Variants in DCLK2 observed in about 807,000 individuals in gnomAD.
DCLK2 encodes serine/threonine-protein kinase DCLK2.
In DCLK2, 31 loss-of-function variants were observed where a neutral mutation model predicts 78.4. The ratio of observed to expected loss-of-function variants is 0.40; its 90% confidence interval spans 0.30 to 0.53. The LOEUF is 0.53. Ranked by LOEUF, DCLK2 falls within the 20% of genes least tolerant of loss-of-function variation. The probability of loss-of-function intolerance (pLI) is 0.61; values close to 1 mark genes in which losing one functional copy is unlikely to be tolerated. For synonymous variants in DCLK2, 407 were observed against 374.9 expected, an observed-to-expected ratio of 1.09 and a Z score of -0.99; for missense variants, 872 against 973.7, an observed-to-expected ratio of 0.90 and a Z score of 1.39.
At chr4:150,253,431 A>C in intron 15 of DCLK2, 4 of 1,289,712 alleles carry the variant, frequency 3.1e-6, no homozygotes, top group Non-Finnish European at 4.0e-6. Context: ...TAAAGGTGAA[A>C]AAAAAGTAAA....
rs114625161 is a variant in DCLK2 at position 150,138,571 on chromosome 4, C to T, written c.756+35759C>T. Among the ~76,000 whole-genome samples, 1,032 of 152,342 alleles carry T rather than the reference C, an allele frequency of 6.8e-3. 9 individuals are homozygous for T. The highest frequency in any genetic ancestry group is 0.024 in the African/African-American group (979 of 41,562). On this transcript the variant is annotated intron_variant, in intron 2 of 15. Coordinates refer to ENST00000296550, the MANE Select transcript of DCLK2 (RefSeq NM_001040260.4). The stretch of plus-strand genomic sequence containing the variant: ...AAAAAAATATTTTTTGACCTTTACT[C>T]AGCACTTAGAACAGGCCAGGCACTG...
At chr4:150,094,400 A>G (rs550011288) in intron 1 of DCLK2, among the ~76,000 whole-genome samples, 23 of 152,372 alleles carry the variant, frequency 1.5e-4, no homozygotes, top group African/African-American at 5.0e-4. Flanking sequence ...TACATATTCC[A>G]TTGATTAAAA....
chr4:150,196,200 G>A (rs912801593), intron 3 of DCLK2, among the ~76,000 whole-genome samples: 1 of 152,108 alleles, frequency 6.6e-6, no homozygotes, highest in African/African-American at 2.4e-5. Flanking sequence ...TCTTAGTGAA[G>A]TAACTACATC....
chr4:150,080,246 T>C (rs1729155890), intron 1 of DCLK2, among the ~76,000 whole-genome samples: 1 of 152,100 alleles, frequency 6.6e-6, no homozygotes, highest in East Asian at 1.9e-4. Context: ...AGTACCTAAT[T>C]AGAATGATAG....
At chr4:150,099,238 T>C (rs1420458071) in intron 1 of DCLK2, among the ~76,000 whole-genome samples, 1 of 152,174 alleles carries the variant, frequency 6.6e-6, no homozygotes, top group African/African-American at 2.4e-5. Flanking sequence ...GATTTCTTTT[T>C]AGTAGAGACA....
At chr4:150,115,668 T>C (rs1457763265) in intron 2 of DCLK2, among the ~76,000 whole-genome samples, 1 of 152,166 alleles carries the variant, frequency 6.6e-6, no homozygotes, top group African/African-American at 2.4e-5. Flanking sequence ...TCTCAGATGG[T>C]TGTATTAGCA....
chr4:150,160,584 G>A (rs910634511), intron 2 of DCLK2, among the ~76,000 whole-genome samples: 2 of 152,184 alleles, frequency 1.3e-5, no homozygotes, highest in African/African-American at 2.4e-5. Context: ...GGAAATGGCA[G>A]TATTAAATAG....
intron 2 of DCLK2, among the ~76,000 whole-genome samples, chr4:150,129,184 C>T (rs138915411): frequency 6.6e-6 from 1 of 152,212 alleles, no homozygotes; most frequent in Non-Finnish European, 1.5e-5. Context: ...TTAAAACAGA[C>T]ACTGTGACAA....
chr4:150,242,454 C>G (rs1742997281), intron 12 of DCLK2, among the ~76,000 whole-genome samples: 1 of 152,224 alleles, frequency 6.6e-6, no homozygotes, highest in African/African-American at 2.4e-5. Flanking sequence ...TTTCAGTTAG[C>G]TTTTGCTGAG....
At chr4:150,151,806 T>G (rs1283430861) in intron 2 of DCLK2, among the ~76,000 whole-genome samples, 1 of 152,058 alleles carries the variant, frequency 6.6e-6, no homozygotes, top group Admixed American at 6.6e-5. Flanking sequence ...GCGCCTGTGA[T>G]CCCAGCTACT....
chr4:150,206,474 G>T (rs1057450821), intron 5 of DCLK2, among the ~76,000 whole-genome samples: 9 of 151,956 alleles, frequency 5.9e-5, no homozygotes, highest in Non-Finnish European at 8.8e-5. Flanking sequence ...GTCTTTCCAG[G>T]ACCACCCCCT....
intron 2 of DCLK2, among the ~76,000 whole-genome samples, chr4:150,177,411 C>T (rs1279722562): frequency 3.3e-5 from 5 of 152,050 alleles, no homozygotes; most frequent in Non-Finnish European, 7.3e-5. Context: ...ATTTCTTTTT[C>T]ATAATTAGAG....
In DCLK2 at chr4:150,221,690, C is replaced by G; in HGVS notation, c.1146C>G (p.Asn382Lys). 6.3e-7 allele frequency: 1 copy of G among 1,596,218 alleles called. No homozygotes were observed. Among genetic ancestry groups the G allele is most frequent in the Non-Finnish European group, 8.5e-7 (1 of 1,173,618 alleles). Residue 382 changes from asparagine to lysine, a missense_variant, in exon 7 of 16, where the codon AAC (asparagine) becomes AAG (lysine). Physicochemically the swap from Asn to Lys is moderately conservative, Grantham distance 94 (BLOSUM62 0). This residue lies in a region of DCLK2 where 567 missense variants were observed against 593.4 expected (regional missense o/e 0.96). Transcript: ENST00000296550. The part of the protein sequence containing the change: ...RCISPEGVNG[N>K]RCSESSTLLE... ...TCCTTTTTGCAGGTGTGAATGGAAA[C>G]AGATGCTCTGAATCATCAACTCTTC...
At chr4:150,208,061 A>G (rs1739976147) in intron 5 of DCLK2, among the ~76,000 whole-genome samples, 1 of 152,176 alleles carries the variant, frequency 6.6e-6, no homozygotes, top group African/African-American at 2.4e-5. Flanking sequence ...TGCTGAAGGC[A>G]GGCTGGGGTG....
intron 5 of DCLK2, among the ~76,000 whole-genome samples, chr4:150,208,860 T>G (rs1740072861): frequency 6.6e-6 from 1 of 152,170 alleles, no homozygotes. Flanking sequence ...TGGTTTTCTT[T>G]GGAAGACAGT....
At chr4:150,202,820 C>T (rs1739552715) in intron 4 of DCLK2, among the ~76,000 whole-genome samples, 1 of 151,906 alleles carries the variant, frequency 6.6e-6, no homozygotes, top group Admixed American at 6.6e-5. Flanking sequence ...AAACATATAT[C>T]AATACTAGAT....
intron 12 of DCLK2, among the ~76,000 whole-genome samples, chr4:150,241,515 G>A (rs895491588): frequency 3.3e-5 from 5 of 152,100 alleles, no homozygotes; most frequent in African/African-American, 1.2e-4. Flanking sequence ...TCTTCCCTTT[G>A]TTCATTTTGT....
rs542590009 is a variant in DCLK2, at chr4:150,079,333, C to T, written c.306C>T (p.Leu102=). Reference sequence around the variant, plus strand: ...ACCGCTTCCGGTCCTTCGATGCGCTCCTCATAGAGCTCACCCGCTCCCTGT... The same window carrying T: ...ACCGCTTCCGGTCCTTCGATGCGCTTCTCATAGAGCTCACCCGCTCCCTGT... ...SSDRFRSFDA[L]LIELTRSLSD... Residue 102 remains leucine (L), a synonymous_variant, in exon 1 of 16, where the codon CTC becomes CTT. Transcript: ENST00000296550. The T allele has an allele frequency of 3.6e-5, 57 of 1,588,820 alleles. 1 individual carries two copies. In the South Asian group the frequency reaches 5.0e-4, roughly 14 times the overall value.
At position 150,079,349 on chromosome 4, in the gene DCLK2, C is replaced by A. The variant is rs867719384; in HGVS notation, c.322C>A (p.Arg108Ser). The A allele has an allele frequency of 6.3e-7, 1 of 1,587,142 alleles. No individual in the cohort carries two copies. Residue 108 changes from arginine to serine, a missense_variant, in exon 1 of 16, where the codon CGC becomes AGC. By Grantham distance (110) the Arg-to-Ser change is moderately radical (BLOSUM62 -1). Transcript: ENST00000296550. ...SFDALLIELTRSLSDNVNLPQ... is the reference protein window; with the variant it reads ...SFDALLIELTSSLSDNVNLPQ... ...CGATGCGCTCCTCATAGAGCTCACC[C>A]GCTCCCTGTCGGACAACGTGAACCT...
Sources: gnomAD v4.1 joint callset for allele counts (sites outside exome capture counted in the v4.1 genomes callset) on GRCh38, gnomAD v4.1.1 for gene constraint, gnomAD v4.1.1 regional missense constraint, MANE v1.5 for transcripts, NCBI Gene and HGNC (gene_info 2026-07-23, HGNC 2026-07-21) for gene names.